Variants in FLT4 observed in about 807,000 individuals in gnomAD.
FLT4 encodes vascular endothelial growth factor receptor 3.
A neutral mutation model predicts 163.2 loss-of-function variants in FLT4; 30 were observed. That is an observed-to-expected ratio of 0.18 (90% CI 0.14 to 0.25). The LOEUF (loss-of-function observed/expected upper bound fraction) is 0.25, where lower values mean the gene tolerates loss of function less well. Among genes scored for constraint, FLT4 ranks in the 10% least tolerant of loss-of-function variants. The pLI is 1.00. For missense variants in FLT4, 1,510 were observed against 1,863.8 expected, an observed-to-expected ratio of 0.81 and a Z score of 3.50; for synonymous variants, 884 against 789.5, an observed-to-expected ratio of 1.12 and a Z score of -2.01.
At position 180,630,317 on chromosome 5, in the gene FLT4, T is replaced by G; in HGVS notation, c.421A>C (p.Asn141His). ...TTGACCAAGAGCGTGTCAGGCTTGTTGATGAATGGCTGCTCAAAGTCTATG... is the reference window on the plus strand; with the variant it reads ...TTGACCAAGAGCGTGTCAGGCTTGTGGATGAATGGCTGCTCAAAGTCTATG... ...FVRDFEQPFI[N>H]KPDTLLVNRK... The change falls in exon 4 of 30, where the codon AAC (asparagine) becomes CAC (histidine). Residue 141 changes from asparagine to histidine, a missense_variant. Coordinates refer to ENST00000261937, the MANE Select transcript of FLT4 (RefSeq NM_182925.5). The surrounding 1 kb of genome is among the most constrained non-coding windows in gnomAD (Gnocchi z 6.3). 1 of 1,611,168 alleles carries G rather than the reference T, an allele frequency of 6.2e-7. No homozygotes were observed. The highest frequency in any genetic ancestry group is 1.3e-5 in the African/African-American group (1 of 75,022).
intron 11 of FLT4, 88 bp from the exon 12 acceptor site, chr5:180,622,927 C>T (rs1474542286): frequency 9.0e-6 from 5 of 555,934 alleles, no homozygotes; most frequent in African/African-American, 5.4e-5. Context: ...CGCTGTGCAC[C>T]ACCCCCCCCA....
intron 1 of FLT4, among the ~76,000 whole-genome samples, chr5:180,644,796 G>C (rs1215934295): frequency 6.6e-6 from 1 of 152,228 alleles, no homozygotes; most frequent in East Asian, 1.9e-4. Flanking sequence ...ATCTCCATTT[G>C]GTAGAATTTA....
intron 10 of FLT4, among the ~76,000 whole-genome samples, chr5:180,624,312 C>T (rs1205941756): frequency 5.9e-5 from 9 of 151,920 alleles, no homozygotes; most frequent in East Asian, 1.9e-4. Flanking sequence ...CCGAAACCTC[C>T]GCCTCCTGGG....
At chr5:180,633,956 T>C (rs1008182346) in intron 1 of FLT4, among the ~76,000 whole-genome samples, 1 of 151,400 alleles carries the variant, frequency 6.6e-6, no homozygotes, top group African/African-American at 2.4e-5. Context: ...TTCTCAGGAG[T>C]GCACATCCAG....
At chr5:180,647,393 G>A (rs1765539139) in intron 1 of FLT4, among the ~76,000 whole-genome samples, 1 of 152,154 alleles carries the variant, frequency 6.6e-6, no homozygotes, top group Non-Finnish European at 1.5e-5. Flanking sequence ...CTATGCTTGG[G>A]GAAACTGAGG....
chr5:180,644,935 G>A (rs1362677309), intron 1 of FLT4, among the ~76,000 whole-genome samples: 1 of 152,242 alleles, frequency 6.6e-6, no homozygotes, highest in Non-Finnish European at 1.5e-5. Context: ...CCTTCCGCTT[G>A]GAGCAGCACC....
intron 27 of FLT4, among the ~76,000 whole-genome samples, chr5:180,610,422 A>G (rs1453437887): frequency 1.3e-5 from 2 of 152,168 alleles, no homozygotes; most frequent in African/African-American, 2.4e-5. Context: ...GGGTTTGTGG[A>G]AGGAGCCTGG....
At position 180,630,371 on chromosome 5, in the gene FLT4, C is replaced by A; in HGVS notation, c.401-34G>T. Reference sequence around the variant, plus strand: ...AGGGAGCAAGCTGTTGGGGAAGGGACGTGGCGGCCAGGCTGGGGGAGGGCT... The same window carrying A: ...AGGGAGCAAGCTGTTGGGGAAGGGAAGTGGCGGCCAGGCTGGGGGAGGGCT... On this transcript the variant is annotated intron_variant, in intron 3 of 29. Transcript: ENST00000261937. This position sits in a 1 kb window ranked among gnomAD's most constrained non-coding sequence, Gnocchi z 6.3. 1 of 1,590,734 alleles carries A rather than the reference C, an allele frequency of 6.3e-7. No individual in the cohort carries two copies. Among genetic ancestry groups the A allele is most frequent in the Non-Finnish European group, 8.6e-7 (1 of 1,168,316 alleles).
chr5:180,609,058 G>C lies in FLT4; in HGVS notation c.3808-5C>G. ...CCCACTGTCTGTCTGGTTGTCCTGT[G>C]TGGAGAGGACAAGCCAGGCTGTGGG... On this transcript the variant is annotated splice_region_variant and splice_polypyrimidine_tract_variant and intron_variant, in intron 28 of 29. Coordinates refer to ENST00000261937, the MANE Select transcript of FLT4 (RefSeq NM_182925.5). 1 of 1,613,486 alleles carries C rather than the reference G, an allele frequency of 6.2e-7. No individual in the cohort carries two copies. The highest frequency in any genetic ancestry group is 2.2e-5 in the East Asian group (1 of 44,882).
intron 1 of FLT4, among the ~76,000 whole-genome samples, chr5:180,648,008 C>T (rs1346680578): frequency 2.6e-5 from 4 of 152,190 alleles, no homozygotes; most frequent in African/African-American, 7.2e-5. Context: ...GTTCCCCTCC[C>T]GGGTCTCTCT....
At chr5:180,632,229 G>A (rs962237260) in intron 1 of FLT4, among the ~76,000 whole-genome samples, 4 of 139,200 alleles carry the variant, frequency 2.9e-5, no homozygotes, top group African/African-American at 9.9e-5. Flanking sequence ...GGTCCTCCCC[G>A]AACCACGCAG....
chr5:180,616,853 G>A (rs1279090724), intron 22 of FLT4, 47 bp downstream of exon 22: 2 of 1,439,700 alleles, frequency 1.4e-6, no homozygotes, highest in East Asian at 2.3e-5. Context: ...GGCGACTGGT[G>A]GGGATGCACC....
In FLT4 at chr5:180,602,727, GGA is replaced by G. The variant is rs1761580334; in HGVS notation, c.*463_*464del. ...GGGTGAGGCCAGCCAGCCCTCGTGG[GGA>G]GAGTAGCTGTGTGCCTGAGGAGGAA... On this transcript the variant is annotated 3_prime_UTR_variant, in exon 30 of 30. Coordinates refer to ENST00000261937, the MANE Select transcript of FLT4 (RefSeq NM_182925.5). The G allele has an allele frequency of 2.2e-6, 1 of 450,322 alleles. No individual in the cohort carries two copies. The highest frequency in any genetic ancestry group is 3.9e-6 in the Non-Finnish European group (1 of 257,138). The allele number at this position is 450,322 out of a possible 1,614,324, so 27.9% of individuals were successfully genotyped here.
chr5:180,606,729 A>C (rs571666443), intron 29 of FLT4, among the ~76,000 whole-genome samples: 36 of 152,226 alleles, frequency 2.4e-4, no homozygotes, highest in African/African-American at 8.2e-4. Context: ...CGTAAATGTG[A>C]CCACCATTGA....
rs575927957 is a variant in FLT4 at position 180,609,028 on chromosome 5, A to G, written c.3833T>C (p.Val1278Ala). 4 of 1,614,122 alleles carry G rather than the reference A, an allele frequency of 2.5e-6. No homozygotes were observed. The highest frequency in any genetic ancestry group is 3.3e-5 in the Admixed American group (2 of 60,028). ...CTGCTCAAACTCCTCCGAGGCCAGC[A>G]CCATCCCACTGTCTGTCTGGTTGTC... The part of the protein sequence containing the change: ...SVDNQTDSGM[V>A]LASEEFEQIE... The change falls in exon 29 of 30, where the codon GTG becomes GCG. Residue 1278 changes from valine (V) to alanine (A), a missense_variant. Physicochemically the swap from Val to Ala is moderately conservative, Grantham distance 64. Around this residue, in one of 5 missense-constraint regions of FLT4, gnomAD observed 295 missense variants for 311.0 expected, o/e 0.95. Coordinates refer to ENST00000261937, the MANE Select transcript of FLT4 (RefSeq NM_182925.5).
At chr5:180,645,064 G>A (rs747681130) in intron 1 of FLT4, among the ~76,000 whole-genome samples, 27 of 152,198 alleles carry the variant, frequency 1.8e-4, no homozygotes, top group Admixed American at 1.6e-3. Flanking sequence ...GCTAGGGATG[G>A]CCTGGGACTC....
chr5:180,621,533 C>G lies in FLT4; in HGVS notation c.2020+9G>C. 1.2e-6 allele frequency: 2 copies of G among 1,611,462 alleles called. No individual in the cohort carries two copies. The highest frequency in any genetic ancestry group is 2.7e-5 in the African/African-American group (2 of 75,030). ...AGCGCGTCCCCGCCCTCCCCGCGGCCAGCCTCACCCTGCACCGACAGGTAC... is the reference window on the plus strand; with the variant it reads ...AGCGCGTCCCCGCCCTCCCCGCGGCGAGCCTCACCCTGCACCGACAGGTAC... On this transcript the variant is annotated intron_variant, in intron 13 of 29. Coordinates refer to ENST00000261937, the MANE Select transcript of FLT4 (RefSeq NM_182925.5).
rs543309451 is a variant in FLT4 at position 180,614,809 on chromosome 5, G to A, written c.3220-630C>T. Among the ~76,000 whole-genome samples the A allele has an allele frequency of 2.6e-5, 4 of 152,140 alleles. No homozygotes were observed. The East Asian group carries it at 5.8e-4, about 22-fold the overall frequency. ...AACCTGACACTTCCCTCCAACCAGC[G>A]GCCATGCTGGGCTGGATGGCTCATC... On this transcript the variant is annotated intron_variant, in intron 23 of 29. Coordinates refer to ENST00000261937, the MANE Select transcript of FLT4 (RefSeq NM_182925.5).
Position 180,620,201 on chromosome 5 carries a change from C to A in FLT4, c.2514G>T (p.Trp838Cys). The A allele has an allele frequency of 6.2e-7, 1 of 1,610,042 alleles. No homozygotes were observed. Among genetic ancestry groups the A allele is most frequent in the East Asian group, 2.2e-5 (1 of 44,880 alleles). ...CEYLSYDASQWEFPRERLHLG... is the reference protein window; with the variant it reads ...CEYLSYDASQCEFPRERLHLG... ...GGTGCAGCCGCTCTCGGGGGAATTC[C>A]CACTGGCTGGCATCGTAGGACAGGT... The change falls in exon 17 of 30, where the codon TGG (tryptophan) becomes TGT (cysteine). Residue 838 changes from tryptophan (W) to cysteine (C), a missense_variant. Physicochemically the swap from Trp to Cys is radical, Grantham distance 215 (BLOSUM62 -2). Transcript: ENST00000261937. This position sits in a 1 kb window ranked among gnomAD's most constrained non-coding sequence, Gnocchi z 4.4.
Sources: gnomAD v4.1 joint callset for allele counts (sites outside exome capture counted in the v4.1 genomes callset) on GRCh38, gnomAD v4.1.1 for gene constraint, gnomAD v4.1.1 regional missense constraint, Gnocchi (gnomAD v3.1) non-coding constraint, MANE v1.5 for transcripts, NCBI Gene and HGNC (gene_info 2026-07-23, HGNC 2026-07-21) for gene names.